PDILT: variants seen among roughly 807,000 people sequenced by gnomAD.
PDILT encodes protein disulfide isomerase like, testis expressed.
In PDILT, 43 loss-of-function variants were observed where a neutral mutation model predicts 53.7. The ratio of observed to expected loss-of-function variants is 0.80; its 90% CI spans 0.63 to 1.03. The LOEUF (loss-of-function observed/expected upper bound fraction) is 1.03, where lower values mean the gene tolerates loss of function less well. Among genes scored for constraint, PDILT ranks in the 50% least tolerant of loss-of-function variants. PDILT has a pLI of 0.00. For synonymous variants in PDILT, 282 were observed against 274.2 expected, an observed-to-expected ratio of 1.03 and a Z score of -0.28; for missense variants, 727 against 712.3, an observed-to-expected ratio of 1.02 and a Z score of -0.24.
chr16:20,375,103 A>G, intron 4 of PDILT, 144 bp from the exon 5 acceptor site: 2 of 919,436 alleles, frequency 2.2e-6, no homozygotes, highest in Non-Finnish European at 3.2e-6. Context: ...ATCCTCTTTC[A>G]TGAGTATTTC....
Position 20,360,569 on chromosome 16 carries a change from T to G in PDILT, c.1505A>C (p.Glu502Ala), listed in dbSNP as rs1000245301. Residue 502 changes from glutamate to alanine, a missense_variant and splice_region_variant, in exon 11 of 12, where the codon GAG (glutamate) becomes GCG (alanine). By Grantham distance (107) the Glu-to-Ala change is moderately radical. Transcript: ENST00000302451. ...HIKTKIEDED[E>A]LLSVEQNEVI... ...CAGAGTATTTCTGTTGCCCCTTACC[T>G]CATCCTCATCCTCAATCTTAGTTTT... 1.2e-6 allele frequency: 2 copies of G among 1,611,906 alleles called. No homozygotes were observed. The highest frequency in any genetic ancestry group is 1.3e-5 in the African/African-American group (1 of 74,868).
intron 9 of PDILT, among the ~76,000 whole-genome samples, chr16:20,364,546 G>A (rs1205075190): frequency 1.3e-5 from 2 of 152,206 alleles, no homozygotes; most frequent in East Asian, 3.8e-4. Context: ...GCTCATTAGA[G>A]CAGGTGTGTC....
chr16:20,362,652 T>G, intron 9 of PDILT, 70 bp from the exon 10 acceptor site: 1 of 1,459,318 alleles, frequency 6.9e-7, no homozygotes, highest in Non-Finnish European at 9.5e-7. Context: ...ACCCTACACA[T>G]GGCATCGCTG....
intron 3 of PDILT, among the ~76,000 whole-genome samples, chr16:20,380,898 A>G (rs1199535946): frequency 6.6e-6 from 1 of 152,188 alleles, no homozygotes; most frequent in Non-Finnish European, 1.5e-5. Context: ...CGAGGTAGTT[A>G]TGAACTCTGC....
intron 10 of PDILT, among the ~76,000 whole-genome samples, chr16:20,361,183 C>T (rs1966094953): frequency 8.3e-6 from 1 of 120,642 alleles, no homozygotes; most frequent in Non-Finnish European, 1.8e-5. Context: ...CACAAGTTCC[C>T]TTTCCTCTTT....
At chr16:20,381,858 G>A (rs2141607813) in intron 3 of PDILT, among the ~76,000 whole-genome samples, 1 of 152,130 alleles carries the variant, frequency 6.6e-6, no homozygotes, top group East Asian at 1.9e-4. Context: ...TGCAGTGGGT[G>A]CTTCCAATTC....
intron 2 of PDILT, among the ~76,000 whole-genome samples, chr16:20,387,433 G>A (rs534028393): frequency 1.3e-5 from 2 of 152,172 alleles, no homozygotes; most frequent in Non-Finnish European, 2.9e-5. Flanking sequence ...TGGGGCATGT[G>A]TGACATGTTC....
At chr16:20,371,706 G>A (rs1966308308) in intron 7 of PDILT, among the ~76,000 whole-genome samples, 1 of 152,022 alleles carries the variant, frequency 6.6e-6, no homozygotes, top group Non-Finnish European at 1.5e-5. Flanking sequence ...CAGGGAGATT[G>A]AAGAGTTAAA....
chr16:20,359,659 A>C (rs9929710), intron 11 of PDILT, 92 bp from the exon 12 acceptor site: 588,331 of 1,294,446 alleles, frequency 0.45, 141,478 homozygotes, highest in Non-Finnish European at 0.51. Context: ...TTGTGGTTGT[A>C]ATAGTCAAGC....
intron 10 of PDILT, among the ~76,000 whole-genome samples, chr16:20,361,343 G>A (rs1050706330): frequency 4.0e-5 from 6 of 151,878 alleles, no homozygotes; most frequent in Non-Finnish European, 7.4e-5. Flanking sequence ...GCACCACCAC[G>A]ACTGGCTAAT....
intron 8 of PDILT, among the ~76,000 whole-genome samples, chr16:20,367,465 C>T (rs974207050): frequency 2.0e-5 from 3 of 152,082 alleles, no homozygotes; most frequent in African/African-American, 7.2e-5. Context: ...AAAATGGTGA[C>T]AATTGTGGGG....
chr16:20,396,185 C>A (rs928653726), intron 2 of PDILT, among the ~76,000 whole-genome samples: 1 of 152,190 alleles, frequency 6.6e-6, no homozygotes, highest in Non-Finnish European at 1.5e-5. Flanking sequence ...AATGACTATA[C>A]CACTTTCAAT....
intron 8 of PDILT, among the ~76,000 whole-genome samples, chr16:20,366,975 CCTTCCTTCCTTCCTTTCTTTCTTT>C (rs1567320355): frequency 2.5e-4 from 11 of 44,474 alleles, no homozygotes; most frequent in African/African-American, 5.0e-4. Flanking sequence ...TTCCTTCCTT[CCTTCCTTCCTTCCTTTCTTTCTTT>C]CTTTATTTAT....
At chr16:20,403,137 C>T (rs1483211131) in intron 1 of PDILT, among the ~76,000 whole-genome samples, 1 of 152,200 alleles carries the variant, frequency 6.6e-6, no homozygotes, top group African/African-American at 2.4e-5. Flanking sequence ...TGTGTGCATT[C>T]TCCCTGTATG....
At chr16:20,384,910 T>C in intron 2 of PDILT, 59 bp from the exon 3 acceptor site, 1 of 1,526,296 alleles carries the variant, frequency 6.6e-7, no homozygotes, top group Non-Finnish European at 9.1e-7. Flanking sequence ...TCTCCAACAG[T>C]AGATTATTTG....
intron 9 of PDILT, among the ~76,000 whole-genome samples, 199 bp downstream of exon 9, chr16:20,365,221 C>T (rs1966171928): frequency 6.6e-6 from 1 of 152,184 alleles, no homozygotes; most frequent in African/African-American, 2.4e-5. Context: ...TGCATACATT[C>T]CAATAATTAC....
intron 1 of PDILT, among the ~76,000 whole-genome samples, chr16:20,400,667 C>T (rs1325395500): frequency 6.6e-6 from 1 of 151,880 alleles, no homozygotes; most frequent in Non-Finnish European, 1.5e-5. Context: ...CAAGGTACCC[C>T]CAAGGTACCC....
At chr16:20,403,117 A>G (rs867225838) in intron 1 of PDILT, among the ~76,000 whole-genome samples, 1 of 152,008 alleles carries the variant, frequency 6.6e-6, no homozygotes, top group South Asian at 2.1e-4. Context: ...CATTCCCTCC[A>G]CATTCTCCCT....
At chr16:20,383,967 G>A (rs1024341931) in intron 3 of PDILT, among the ~76,000 whole-genome samples, 3 of 152,192 alleles carry the variant, frequency 2.0e-5, no homozygotes, top group Admixed American at 6.5e-5. Context: ...ATAAATGGAT[G>A]CTGAATAAAT....
Sources: gnomAD v4.1 joint callset for allele counts (sites outside exome capture counted in the v4.1 genomes callset) on GRCh38, gnomAD v4.1.1 for gene constraint, MANE v1.5 for transcripts, NCBI Gene and HGNC (gene_info 2026-07-23, HGNC 2026-07-21) for gene names.